STRBP: variants seen among roughly 807,000 people sequenced by gnomAD.
STRBP encodes the protein spermatid perinuclear RNA-binding protein.
A neutral mutation model predicts 80.1 loss-of-function variants in STRBP; 13 were observed. The ratio of observed to expected loss-of-function variants is 0.16; its 90% CI spans 0.11 to 0.26. The LOEUF (loss-of-function observed/expected upper bound fraction) is 0.26, where lower values mean the gene tolerates loss of function less well. Among genes scored for constraint, STRBP ranks in the 10% least tolerant of loss-of-function variants. STRBP has a pLI of 1.00. For missense variants in STRBP, 485 were observed against 815.2 expected (o/e 0.59, Z 4.93); for synonymous variants, 284 against 291.2 (o/e 0.98, Z 0.25).
intron 3 of STRBP, chr9:123,114,257 C>A (rs575698424): frequency 6.0e-6 from 1 of 167,302 alleles, no homozygotes; most frequent in African/African-American, 2.4e-5. Flanking sequence ...AGTGGCAGCA[C>A]TGGGACAGAC....
At chr9:123,209,601 C>A (rs777069202) in intron 2 of STRBP, among the ~76,000 whole-genome samples, 3 of 152,120 alleles carry the variant, frequency 2.0e-5, no homozygotes, top group Non-Finnish European at 4.4e-5. Context: ...GAGGATGGCT[C>A]TAAAAGAGTA....
intron 11 of STRBP, among the ~76,000 whole-genome samples, chr9:123,153,866 G>A (rs2037165903): frequency 1.3e-5 from 2 of 152,034 alleles, no homozygotes; most frequent in Non-Finnish European, 2.9e-5. Context: ...AAAGAGAAAG[G>A]GTCTGAGGAC....
intron 1 of STRBP, among the ~76,000 whole-genome samples, chr9:123,267,891 G>T (rs1433783193): frequency 7.4e-6 from 1 of 135,476 alleles, no homozygotes; most frequent in African/African-American, 2.8e-5. Context: ...CCACCGGACG[G>T]AATGTCCTCC....
In STRBP at chr9:123,122,173, C is replaced by T. The variant is rs1226681835; in HGVS notation, c.*3424G>A. 4.9e-6 allele frequency: 2 copies of T among 409,924 alleles called. No homozygotes were observed. Among genetic ancestry groups the T allele is most frequent in the Non-Finnish European group, 7.8e-6 (2 of 257,122 alleles). 25.4% of individuals were successfully genotyped at this position (409,924 alleles called of 1,614,324 possible). On this transcript the variant is annotated 3_prime_UTR_variant, in exon 19 of 19. Coordinates refer to ENST00000348403, the MANE Select transcript of STRBP (RefSeq NM_018387.5). ...TTAATTGACTATTTTTCTCTTTAATCAGAAAATAAAAGAGCTTACCTTTGT... is the reference window on the plus strand; with the variant it reads ...TTAATTGACTATTTTTCTCTTTAATTAGAAAATAAAAGAGCTTACCTTTGT...
intron 6 of STRBP, among the ~76,000 whole-genome samples, chr9:123,167,911 C>T (rs1446440237): frequency 6.6e-6 from 1 of 151,808 alleles, no homozygotes; most frequent in Non-Finnish European, 1.5e-5. Flanking sequence ...AGGCAACAGG[C>T]TAAGTTTAAA....
At chr9:123,168,840 A>C (rs1179598687) in intron 6 of STRBP, among the ~76,000 whole-genome samples, 3 of 152,240 alleles carry the variant, frequency 2.0e-5, no homozygotes, top group East Asian at 3.8e-4. Context: ...TCAGAAAAAG[A>C]AGCCCACCAC....
In STRBP at chr9:123,122,382, C is replaced by A; in HGVS notation, c.*3215G>T. On this transcript the variant is annotated 3_prime_UTR_variant, in exon 19 of 19. Transcript: ENST00000348403. ...TTAAAAATACATTAACGAGGTATTC[C>A]CAGCTCTTCAATTAATAATGGTGGC... is the stretch of plus-strand genomic sequence containing the variant. 7.9e-7 allele frequency: 1 copy of A among 1,273,070 alleles called. No homozygotes were observed. The highest frequency in any genetic ancestry group is 1.0e-6 in the Non-Finnish European group (1 of 982,314). 78.9% of individuals were successfully genotyped at this position (1,273,070 alleles called of 1,614,324 possible). A position where few individuals can be genotyped will look rare whatever the true frequency, so the allele number is the denominator to read the frequency against.
intron 3 of STRBP, among the ~76,000 whole-genome samples, chr9:123,180,117 G>T (rs803724): frequency 1.9e-4 from 29 of 152,154 alleles, no homozygotes; most frequent in African/African-American, 6.0e-4. Flanking sequence ...TTAGCCGGAC[G>T]TGGTAGCAGG....
chr9:123,136,364 T>TATCTTAGTAAG lies in STRBP; in HGVS notation c.1632+16_1632+17insCTTACTAAGAT. 6.2e-7 allele frequency: 1 copy of TATCTTAGTAAG among 1,612,758 alleles called. No individual in the cohort carries two copies. The highest frequency in any genetic ancestry group is 1.3e-5 in the African/African-American group (1 of 74,918). On this transcript the variant is annotated intron_variant, in intron 15 of 18. Transcript: ENST00000348403. This position sits in a 1 kb window ranked among gnomAD's most constrained non-coding sequence, Gnocchi z 4.2. ...TTTGAGAAGAAAGATAAGGCTGGCT[T>TATCTTAGTAAG]GTGTCTGGGTACACACCTCCATTAC...
At chr9:123,156,420 C>T (rs748779929) in intron 11 of STRBP, among the ~76,000 whole-genome samples, 6 of 151,894 alleles carry the variant, frequency 4.0e-5, no homozygotes, top group Non-Finnish European at 5.9e-5. Flanking sequence ...GAGGAGTTTA[C>T]AGTGTGAGGC....
In STRBP at chr9:123,190,824, A is replaced by G. The variant is rs114285592; in HGVS notation, c.-164-6526T>C. ...AACCAATCAAAAGAGTGGATAACAG[A>G]AAAACACATCCCTTTGCTAAAAGAG... On this transcript the variant is annotated intron_variant, in intron 2 of 18. Transcript: ENST00000348403. Among the ~76,000 whole-genome samples the G allele has an allele frequency of 5.3e-3, 807 of 152,306 alleles. 7 individuals carry two copies. The highest frequency in any genetic ancestry group is 0.019 in the African/African-American group (773 of 41,580).
chr9:123,222,412 T>TA (rs1312940748), intron 2 of STRBP, among the ~76,000 whole-genome samples: 5 of 152,176 alleles, frequency 3.3e-5, no homozygotes, highest in South Asian at 2.1e-4. Flanking sequence ...CAAATGGTAT[T>TA]AAAAAAACAA....
rs1005899768 is a variant in STRBP at position 123,128,139 on chromosome 9, A to T, written c.1942+75T>A. 1.0e-5 allele frequency: 16 copies of T among 1,555,090 alleles called. No homozygotes were observed. In the African/African-American group the frequency reaches 1.9e-4, roughly 18 times the overall value. ...GAGATCCTCCAATTAATTTACAAAAACCCTAGATAGAAACTGTGCTTTGGA... is the reference window on the plus strand; with the variant it reads ...GAGATCCTCCAATTAATTTACAAAATCCCTAGATAGAAACTGTGCTTTGGA... On this transcript the variant is annotated intron_variant, in intron 18 of 18. Coordinates refer to ENST00000348403, the MANE Select transcript of STRBP (RefSeq NM_018387.5).
chr9:123,173,177 T>C (rs551661296), intron 5 of STRBP, among the ~76,000 whole-genome samples: 1 of 152,130 alleles, frequency 6.6e-6, no homozygotes, highest in Non-Finnish European at 1.5e-5. Flanking sequence ...TGCATCCCAG[T>C]GTAAAAAAGG....
At chr9:123,189,200 A>G (rs2038823691) in intron 2 of STRBP, among the ~76,000 whole-genome samples, 1 of 151,542 alleles carries the variant, frequency 6.6e-6, no homozygotes, top group African/African-American at 2.4e-5. Context: ...TCAGCAAACT[A>G]TCGCAAGGAC....
intron 1 of STRBP, among the ~76,000 whole-genome samples, chr9:123,243,254 C>T (rs1040963290): frequency 5.7e-5 from 5 of 88,010 alleles, no homozygotes; most frequent in African/African-American, 2.4e-4. Flanking sequence ...AGGAATTAGA[C>T]ATCAATAAGA....
At chr9:123,266,834 C>A (rs1236836926) in intron 1 of STRBP, among the ~76,000 whole-genome samples, 1 of 151,944 alleles carries the variant, frequency 6.6e-6, no homozygotes, top group Non-Finnish European at 1.5e-5. Context: ...ACATCCTCTA[C>A]CCCAAAATAG....
chr9:123,255,266 C>A (rs2041005281), intron 1 of STRBP, among the ~76,000 whole-genome samples: 2 of 152,238 alleles, frequency 1.3e-5, no homozygotes, highest in Non-Finnish European at 2.9e-5. Flanking sequence ...TTAACTACCA[C>A]TAATTAGGTT....
chr9:123,214,544 CA>C (rs1304297197), intron 2 of STRBP, among the ~76,000 whole-genome samples: 1 of 151,914 alleles, frequency 6.6e-6, no homozygotes, highest in Non-Finnish European at 1.5e-5. Flanking sequence ...AGAATCAGAC[CA>C]CCTGTCTACA....
Sources: allele counts gnomAD v4.1 joint callset (sites outside exome capture counted in the v4.1 genomes callset), GRCh38; gene constraint gnomAD v4.1.1; non-coding constraint Gnocchi (gnomAD v3.1); transcripts MANE v1.5; gene names NCBI Gene and HGNC (gene_info 2026-07-23, HGNC 2026-07-21).